PCYT1B: variants seen among roughly 807,000 people sequenced by gnomAD.
PCYT1B encodes the protein phosphate cytidylyltransferase 1B, choline, also known as choline-phosphate cytidylyltransferase B.
In PCYT1B, 10 loss-of-function variants were observed where a neutral mutation model predicts 26.4. That is an observed-to-expected ratio of 0.38 (90% CI 0.23 to 0.64). The LOEUF (loss-of-function observed/expected upper bound fraction) is 0.64. Among genes scored for constraint, PCYT1B ranks in the 30% least tolerant of loss-of-function variants. PCYT1B has a pLI of 0.56. For missense variants in PCYT1B, 161 were observed against 292.7 expected, an observed-to-expected ratio of 0.55 and a Z score of 3.28; for synonymous variants, 131 against 108.4, an observed-to-expected ratio of 1.21 and a Z score of -1.29.
At chrX:24,652,614 G>C (rs1243995545) in intron 1 of PCYT1B, among the ~76,000 whole-genome samples, 1 of 109,672 alleles carries the variant, frequency 9.1e-6, no homozygotes, top group Admixed American at 9.8e-5. Context: ...CCAACCTAAT[G>C]CTTATCATAG....
intron 1 of PCYT1B, among the ~76,000 whole-genome samples, chrX:24,645,379 C>CAT (rs925669677): frequency 5.0e-4 from 54 of 107,915 alleles, no homozygotes; most frequent in African/African-American, 1.1e-3. Context: ...TGTGTATATA[C>CAT]ATATATATAT....
chrX:24,614,855 A>T (rs1475783570), intron 2 of PCYT1B, among the ~76,000 whole-genome samples: 1 of 112,328 alleles, frequency 8.9e-6, no homozygotes, highest in East Asian at 2.8e-4. Flanking sequence ...CAATTATGAT[A>T]TTGGATAATC....
chrX:24,646,133 G>T (rs759203400), intron 1 of PCYT1B, among the ~76,000 whole-genome samples: 1 of 111,529 alleles, frequency 9.0e-6, no homozygotes, highest in African/African-American at 3.3e-5. Context: ...ACAAGACTTC[G>T]GACCACAGAA....
chrX:24,664,330 A>T (rs1927084539), intron 1 of PCYT1B, among the ~76,000 whole-genome samples: 1 of 111,962 alleles, frequency 8.9e-6, no homozygotes, highest in Non-Finnish European at 1.9e-5. Context: ...CATACAGGTT[A>T]TTAAAGACAT....
intron 1 of PCYT1B, among the ~76,000 whole-genome samples, chrX:24,637,491 A>ATATATATATATATAT (rs1555963532): frequency 1.9e-5 from 1 of 52,894 alleles, no homozygotes; most frequent in Non-Finnish European, 2.9e-5. Context: ...AAAAAAAAAA[A>ATATATATATATATAT]ATATATATAT....
intron 1 of PCYT1B, among the ~76,000 whole-genome samples, chrX:24,667,576 G>A (rs1468384405): frequency 9.1e-6 from 1 of 110,284 alleles, no homozygotes; most frequent in African/African-American, 3.3e-5. Flanking sequence ...AATTAGCTGG[G>A]CATGGTGGTG....
chrX:24,651,496 T>A (rs1284686695), upstream of PCYT1B, among the ~76,000 whole-genome samples: 45 of 79,502 alleles, frequency 5.7e-4, 5 homozygotes, highest in Non-Finnish European at 3.9e-4. Flanking sequence ...TATATATATA[T>A]ATATATATAT....
chrX:24,618,769 T>G (rs1298344047), intron 2 of PCYT1B, among the ~76,000 whole-genome samples: 5 of 109,641 alleles, frequency 4.6e-5, no homozygotes, highest in Non-Finnish European at 9.5e-5. Context: ...ACTACAGGCG[T>G]GCACCACCAC....
chrX:24,648,480 A>G (rs1926697822), upstream of PCYT1B, among the ~76,000 whole-genome samples: 1 of 23,944 alleles, frequency 4.2e-5, no homozygotes, highest in Admixed American at 6.1e-4. Flanking sequence ...TTTTTTGCGA[A>G]GGGCGAGGTG....
rs750315932 is a variant in PCYT1B at position 24,597,465 on chromosome X, C to T, written c.335-7291G>A. On this transcript the variant is annotated intron_variant, in intron 3 of 7. Coordinates refer to ENST00000379144, the MANE Select transcript of PCYT1B (RefSeq NM_004845.5). ...GTATCCATGAACAGCTAGTTTTAAA[C>T]GAATCAATGTCCAGATTCAACTTCC... is the stretch of plus-strand genomic sequence containing the variant. Among the ~76,000 whole-genome samples the T allele has an allele frequency of 3.6e-5, 4 of 112,028 alleles. No homozygotes were observed. The East Asian group carries it at 8.4e-4, about 24-fold the overall frequency.
intron 1 of PCYT1B, among the ~76,000 whole-genome samples, chrX:24,623,645 C>T (rs1925777165): frequency 9.0e-6 from 1 of 110,694 alleles, no homozygotes; most frequent in South Asian, 3.8e-4. Context: ...ATAAACTATG[C>T]CATAGAATCA....
At chrX:24,627,874 A>G (rs1246110941) in intron 1 of PCYT1B, among the ~76,000 whole-genome samples, 2 of 111,638 alleles carry the variant, frequency 1.8e-5, no homozygotes, top group African/African-American at 3.3e-5. Context: ...GAATCAGGAT[A>G]ATTCCAAAGC....
chrX:24,579,532 C>G, intron 5 of PCYT1B, 74 bp from the exon 6 acceptor site: 3 of 1,008,297 alleles, frequency 3.0e-6, no homozygotes, highest in Non-Finnish European at 4.2e-6. Flanking sequence ...TTAATGGTCC[C>G]CCTTTACAGG....
At chrX:24,641,687 A>G (rs915423426) in intron 1 of PCYT1B, among the ~76,000 whole-genome samples, 2 of 112,521 alleles carry the variant, frequency 1.8e-5, no homozygotes, top group Admixed American at 1.9e-4. Context: ...CTTAGTATGA[A>G]GAAAATAATA....
At chrX:24,575,044 T>A in intron 7 of PCYT1B, 86 bp downstream of exon 7, 2 of 757,056 alleles carry the variant, frequency 2.6e-6, no homozygotes, top group Non-Finnish European at 3.8e-6. Flanking sequence ...GGATCTGAGA[T>A]AAGGGGCACC....
intron 3 of PCYT1B, among the ~76,000 whole-genome samples, chrX:24,591,725 C>CA (rs1396860152): frequency 1.2e-4 from 13 of 111,732 alleles, no homozygotes; most frequent in African/African-American, 4.2e-4. Context: ...GCCCAGCCAA[C>CA]AAATTCACTA....
At chrX:24,652,559 CA>C (rs371573232) in intron 1 of PCYT1B, among the ~76,000 whole-genome samples, 5,809 of 89,764 alleles carry the variant, frequency 0.065, 433 homozygotes, top group African/African-American at 0.21. Flanking sequence ...AACTCCGTCT[CA>C]AAAAAAAAAA....
chrX:24,569,710 T>C (rs899140842), intron 7 of PCYT1B, among the ~76,000 whole-genome samples: 3 of 111,996 alleles, frequency 2.7e-5, no homozygotes, highest in African/African-American at 9.7e-5. Context: ...GTCAAATTTA[T>C]AGAGGCAGGA....
chrX:24,609,966 G>A (rs192381628), intron 2 of PCYT1B, among the ~76,000 whole-genome samples: 2 of 110,335 alleles, frequency 1.8e-5, no homozygotes, highest in East Asian at 2.8e-4. Flanking sequence ...GGTGGTAGGC[G>A]CCTGCAATAC....
Sources: allele counts gnomAD v4.1 joint callset (sites outside exome capture counted in the v4.1 genomes callset), GRCh38; gene constraint gnomAD v4.1.1; transcripts MANE v1.5; gene names NCBI Gene and HGNC (gene_info 2026-07-23, HGNC 2026-07-21).